VWA3B: variants seen among roughly 807,000 people sequenced by gnomAD.
The protein encoded by VWA3B is von Willebrand factor A domain-containing protein 3B.
A neutral mutation model predicts 158.3 loss-of-function variants in VWA3B; 138 were observed. That is an observed-to-expected ratio of 0.87 (90% CI 0.76 to 1.00). VWA3B has a LOEUF of 1.00. Among genes scored for constraint, VWA3B ranks in the 50% least tolerant of loss-of-function variants. VWA3B has a pLI of 0.00. For missense variants in VWA3B, 1,555 were observed against 1,565.1 expected (o/e 0.99, Z 0.11); for synonymous variants, 596 against 587.3 (o/e 1.01, Z -0.21).
At chr2:98,101,881 T>G (rs1169718897) in intron 2 of VWA3B, among the ~76,000 whole-genome samples, 1 of 151,960 alleles carries the variant, frequency 6.6e-6, no homozygotes, top group East Asian at 1.9e-4. Flanking sequence ...TTATTTTTTA[T>G]TTTTTGTATT....
intron 19 of VWA3B, among the ~76,000 whole-genome samples, chr2:98,246,798 A>T (rs904864704): frequency 1.3e-5 from 2 of 152,116 alleles, no homozygotes; most frequent in African/African-American, 4.8e-5. Context: ...TTTTAATACT[A>T]TGTTTTTGAG....
intron 23 of VWA3B, among the ~76,000 whole-genome samples, chr2:98,296,905 A>G (rs1364493195): frequency 6.6e-6 from 1 of 150,592 alleles, no homozygotes. Flanking sequence ...TAACAAAATT[A>G]TTATATAATT....
At chr2:98,221,893 A>T (rs1255637501) in intron 14 of VWA3B, among the ~76,000 whole-genome samples, 1 of 151,966 alleles carries the variant, frequency 6.6e-6, no homozygotes, top group African/African-American at 2.4e-5. Flanking sequence ...TGTCAGCAGG[A>T]CTCAGCACGA....
intron 22 of VWA3B, among the ~76,000 whole-genome samples, chr2:98,277,802 G>A (rs1688618326): frequency 1.3e-5 from 2 of 152,192 alleles, no homozygotes; most frequent in African/African-American, 4.8e-5. Flanking sequence ...ATTCTGTTGG[G>A]TTGTGACTTT....
chr2:98,159,267 T>G (rs796170947), intron 7 of VWA3B, among the ~76,000 whole-genome samples: 37 of 152,284 alleles, frequency 2.4e-4, no homozygotes, highest in African/African-American at 7.9e-4. Context: ...TTGGTTTTTT[T>G]GTTTGTTTTT....
chr2:98,190,740 C>T (rs1681505768), intron 10 of VWA3B, among the ~76,000 whole-genome samples: 1 of 152,044 alleles, frequency 6.6e-6, no homozygotes, highest in South Asian at 2.1e-4. Flanking sequence ...TTTTTGTTTG[C>T]TCCTCTACAC....
At chr2:98,197,530 A>G (rs1054292135) in intron 12 of VWA3B, among the ~76,000 whole-genome samples, 32 of 152,116 alleles carry the variant, frequency 2.1e-4, no homozygotes, top group African/African-American at 7.0e-4. Context: ...GTGATTTTAT[A>G]TTTCCTCTAT....
At chr2:98,140,524 A>G (rs117722383) in intron 7 of VWA3B, among the ~76,000 whole-genome samples, 1 of 151,886 alleles carries the variant, frequency 6.6e-6, no homozygotes, top group African/African-American at 2.4e-5. Context: ...TGAATGGGGG[A>G]GGTGGGTGTT....
intron 7 of VWA3B, among the ~76,000 whole-genome samples, chr2:98,140,633 G>A (rs1293753204): frequency 6.6e-6 from 1 of 152,130 alleles, no homozygotes; most frequent in African/African-American, 2.4e-5. Flanking sequence ...TGCTGGAGAG[G>A]GTAAGGGGCA....
At chr2:98,282,347 A>C (rs1688928829) in intron 22 of VWA3B, among the ~76,000 whole-genome samples, 1 of 152,172 alleles carries the variant, frequency 6.6e-6, no homozygotes, top group African/African-American at 2.4e-5. Context: ...TCCTTCCATA[A>C]AGTCCCATGC....
chr2:98,219,090 A>G lies in VWA3B; in HGVS notation c.2019+1062A>G, dbSNP rs1684270454. 2.0e-5 allele frequency among the ~76,000 whole-genome samples: 3 copies of G among 152,210 alleles called. No homozygotes were observed. The South Asian group carries it at 6.2e-4, about 32-fold the overall frequency. On this transcript the variant is annotated intron_variant, in intron 14 of 27. Transcript: ENST00000477737. ...TTACAAGAAAACAAAAATATTCACC[A>G]CTTAACAAAGTAAACTCAGCAATGC...
intron 21 of VWA3B, among the ~76,000 whole-genome samples, chr2:98,261,949 C>T (rs578108207): frequency 6.6e-6 from 1 of 151,666 alleles, no homozygotes; most frequent in African/African-American, 2.4e-5. Context: ...GGCAACACTT[C>T]TTATTTTCTA....
chr2:98,202,067 A>G (rs919030549), intron 12 of VWA3B, among the ~76,000 whole-genome samples: 11 of 152,106 alleles, frequency 7.2e-5, no homozygotes, highest in African/African-American at 2.7e-4. Context: ...TTTTTTTCTA[A>G]AAAAGGTTGT....
At chr2:98,198,861 C>A (rs373703881) in intron 12 of VWA3B, among the ~76,000 whole-genome samples, 1 of 152,022 alleles carries the variant, frequency 6.6e-6, no homozygotes, top group Non-Finnish European at 1.5e-5. Context: ...CCGAGGCAGG[C>A]GGATCATGAG....
intron 22 of VWA3B, among the ~76,000 whole-genome samples, chr2:98,277,099 C>T (rs1688573459): frequency 6.6e-6 from 1 of 152,226 alleles, no homozygotes; most frequent in African/African-American, 2.4e-5. Context: ...TGGCATCCTG[C>T]ACAGGGCACA....
the VWA3B span, among the ~76,000 whole-genome samples, chr2:98,326,595 T>C: frequency 6.6e-6 from 1 of 151,754 alleles, no homozygotes; most frequent in Non-Finnish European, 1.5e-5. Flanking sequence ...ACCCCATCTC[T>C]ACAAAAAATA....
intron 6 of VWA3B, chr2:98,133,563 C>T: frequency 2.3e-6 from 1 of 440,372 alleles, no homozygotes. Flanking sequence ...CAAGAAATAC[C>T]ATTTGGTTGA....
At chr2:98,188,150 G>A (rs765866968) in intron 10 of VWA3B, 21 bp downstream of exon 10, 31 of 1,601,720 alleles carry the variant, frequency 1.9e-5, no homozygotes, top group Non-Finnish European at 2.6e-5. Context: ...TTTGCAGGAA[G>A]TTACAAGTGG....
At chr2:98,286,323 G>C (rs937223818) in intron 22 of VWA3B, among the ~76,000 whole-genome samples, 5 of 152,140 alleles carry the variant, frequency 3.3e-5, no homozygotes, top group African/African-American at 1.2e-4. Flanking sequence ...GAAGTGGTGA[G>C]AGTGCCTTAC....
Sources: gnomAD v4.1 joint callset for allele counts (sites outside exome capture counted in the v4.1 genomes callset) on GRCh38, gnomAD v4.1.1 for gene constraint, MANE v1.5 for transcripts, NCBI Gene and HGNC (gene_info 2026-07-23, HGNC 2026-07-21) for gene names.